SNX29: variants seen among roughly 807,000 people sequenced by gnomAD.
SNX29 encodes sorting nexin-29.
In SNX29, 78 loss-of-function variants were observed where a neutral mutation model predicts 102.1. The ratio of observed to expected loss-of-function variants is 0.76; its 90% CI spans 0.64 to 0.92. The LOEUF (loss-of-function observed/expected upper bound fraction) is 0.92. SNX29 is among the 40% of genes least tolerant of loss of function. SNX29 has a pLI of 0.00. For missense variants in SNX29, 1,280 were observed against 1,061.7 expected, an observed-to-expected ratio of 1.21 and a Z score of -2.86; for synonymous variants, 580 against 414.5, an observed-to-expected ratio of 1.40 and a Z score of -4.85.
rs3135007 is a variant in SNX29, at chr16:12,555,277, C to T, written c.2319-13229C>T. ...TGCTCAAACCCAGGGTATGACCTCC[C>T]AGAGAGCAGGGGTGCTGTCCAGTCA... On this transcript the variant is annotated intron_variant, in intron 20 of 20. Transcript: ENST00000566228. Among the ~76,000 whole-genome samples the T allele has an allele frequency of 5.0e-3, 761 of 151,128 alleles. 1 individual carries two copies. Among genetic ancestry groups the T allele is most frequent in the Non-Finnish European group, 8.3e-3 (564 of 67,714 alleles).
rs143223679 is a variant in SNX29 at position 12,452,100 on chromosome 16, C to G, written c.2038-25619C>G. ...CTGTGGGATAGGGTGCTGGACCCAC[C>G]CTGAGGGATTATCATGAGGCTTAAA... On this transcript the variant is annotated intron_variant, in intron 18 of 20. Transcript: ENST00000566228. Among the ~76,000 whole-genome samples, 17 of 152,162 alleles carry G rather than the reference C, an allele frequency of 1.1e-4. 1 individual carries two copies. In the South Asian group the frequency reaches 1.9e-3, roughly 17 times the overall value.
intron 16 of SNX29, among the ~76,000 whole-genome samples, chr16:12,372,008 A>G (rs1237777020): frequency 6.6e-6 from 1 of 152,216 alleles, no homozygotes; most frequent in Non-Finnish European, 1.5e-5. Flanking sequence ...ACATTTCTGA[A>G]AGAATATAAA....
chr16:12,066,689 G>C (rs2051053173), intron 9 of SNX29, among the ~76,000 whole-genome samples: 1 of 151,666 alleles, frequency 6.6e-6, no homozygotes, highest in Non-Finnish European at 1.5e-5. Flanking sequence ...TGGGGAGGAG[G>C]GCCGGAGATT....
At chr16:12,536,291 A>G (rs2077077644) in intron 20 of SNX29, among the ~76,000 whole-genome samples, 2 of 152,184 alleles carry the variant, frequency 1.3e-5, no homozygotes, top group South Asian at 4.1e-4. Context: ...TTTTCTCACT[A>G]GCTCGTTCTG....
Position 12,524,754 on chromosome 16 carries a change from G to C in SNX29, c.2231G>C (p.Ser744Thr). 6.2e-7 allele frequency: 1 copy of C among 1,613,782 alleles called. No individual in the cohort carries two copies. Among genetic ancestry groups the C allele is most frequent in the Non-Finnish European group, 8.5e-7 (1 of 1,179,832 alleles). Residue 744 changes from serine to threonine, a missense_variant, in exon 20 of 21, where the codon AGC becomes ACC. Transcript: ENST00000566228. ...AAGCAGCTCCAGAATTACCTGCGCA[G>C]CGTCATGAACAAAGTCATCCAGATG... ...RRKQLQNYLR[S>T]VMNKVIQMVP...
chr16:12,026,118 G>A (rs1161419060), intron 3 of SNX29, among the ~76,000 whole-genome samples: 1 of 152,202 alleles, frequency 6.6e-6, no homozygotes, highest in African/African-American at 2.4e-5. Flanking sequence ...GGCCAGGCAA[G>A]GCTGAGCCGG....
intron 15 of SNX29, among the ~76,000 whole-genome samples, chr16:12,340,051 G>A (rs1157056748): frequency 1.3e-5 from 2 of 152,232 alleles, no homozygotes; most frequent in East Asian, 1.9e-4. Flanking sequence ...GGGTCTTTTA[G>A]CATCAAATGA....
At chr16:12,289,104 A>ATTCTAGCTGTC (rs1231233466) in intron 15 of SNX29, among the ~76,000 whole-genome samples, 2 of 152,184 alleles carry the variant, frequency 1.3e-5, no homozygotes, top group Non-Finnish European at 2.9e-5. Context: ...ATGGAAACAG[A>ATTCTAGCTGTC]TTCTAGCTGG....
intron 13 of SNX29, among the ~76,000 whole-genome samples, chr16:12,158,174 G>A (rs2141643577): frequency 6.6e-6 from 1 of 152,020 alleles, no homozygotes; most frequent in South Asian, 2.1e-4. Context: ...TACCTCCCAG[G>A]TAGAGCACTT....
intron 16 of SNX29, among the ~76,000 whole-genome samples, chr16:12,362,661 C>T (rs1187068109): frequency 6.7e-5 from 10 of 148,378 alleles, no homozygotes; most frequent in African/African-American, 1.5e-4. Flanking sequence ...AGTGTTCCCT[C>T]GCCTGGAACA....
At chr16:12,069,026 AC>A (rs1357420264) in intron 9 of SNX29, 30 bp from the exon 10 acceptor site, 1 of 1,604,454 alleles carries the variant, frequency 6.2e-7, no homozygotes, top group Non-Finnish European at 8.5e-7. Context: ...GAGAAAAGTG[AC>A]CTCTTTCTGT....
intron 13 of SNX29, among the ~76,000 whole-genome samples, chr16:12,189,484 C>T (rs539916833): frequency 3.3e-5 from 5 of 152,238 alleles, no homozygotes; most frequent in South Asian, 4.2e-4. Flanking sequence ...TATGCATCTT[C>T]GTAGGAATGT....
At chr16:12,020,100 G>C (rs952998721) in intron 3 of SNX29, among the ~76,000 whole-genome samples, 8 of 151,644 alleles carry the variant, frequency 5.3e-5, no homozygotes, top group Non-Finnish European at 8.8e-5. Context: ...AGTTCCCCAA[G>C]TGTTAAATAT....
chr16:12,129,519 G>A, intron 12 of SNX29, 111 bp from the exon 13 acceptor site: 3 of 1,365,378 alleles, frequency 2.2e-6, no homozygotes, highest in South Asian at 1.7e-5. Flanking sequence ...TTTATGCAGA[G>A]CCTTGTGGAA....
chr16:12,338,370 C>T (rs1029212983), intron 15 of SNX29, among the ~76,000 whole-genome samples: 2 of 152,154 alleles, frequency 1.3e-5, no homozygotes, highest in Admixed American at 1.3e-4. Context: ...GGAAGCTCAT[C>T]GGGGATCAGA....
chr16:12,257,501 ATCTCTC>A (rs111505982), intron 14 of SNX29, among the ~76,000 whole-genome samples: 3 of 149,988 alleles, frequency 2.0e-5, no homozygotes, highest in South Asian at 4.2e-4. Flanking sequence ...TACCACTAGC[ATCTCTC>A]TCTCTCTCTC....
At chr16:12,287,764 A>G (rs1292701278) in intron 15 of SNX29, among the ~76,000 whole-genome samples, 1 of 152,182 alleles carries the variant, frequency 6.6e-6, no homozygotes, top group Non-Finnish European at 1.5e-5. Context: ...GTGATTGGTG[A>G]TGGATCTCTT....
At position 12,562,405 on chromosome 16, in the gene SNX29, A is replaced by G. The variant is rs990581178; in HGVS notation, c.2319-6101A>G. Among the ~76,000 whole-genome samples, 4 of 152,152 alleles carry G rather than the reference A, an allele frequency of 2.6e-5. No homozygotes were observed. The East Asian group carries it at 7.7e-4, about 29-fold the overall frequency. Reference sequence around the variant, plus strand: ...CAGCTCAAGAGACAGATCACATACCATACAATTTACCCACTTAAAGTGCAC... The same window carrying G: ...CAGCTCAAGAGACAGATCACATACCGTACAATTTACCCACTTAAAGTGCAC... On this transcript the variant is annotated intron_variant, in intron 20 of 20. Transcript: ENST00000566228.
At chr16:12,452,373 C>G (rs1363110679) in intron 18 of SNX29, among the ~76,000 whole-genome samples, 1 of 18,366 alleles carries the variant, frequency 5.4e-5, no homozygotes, top group Non-Finnish European at 8.6e-5. Flanking sequence ...CCATACAAGA[C>G]TGTGTTCTCA....
Sources: gnomAD v4.1 joint callset for allele counts (sites outside exome capture counted in the v4.1 genomes callset) on GRCh38, gnomAD v4.1.1 for gene constraint, MANE v1.5 for transcripts, NCBI Gene and HGNC (gene_info 2026-07-23, HGNC 2026-07-21) for gene names.